CSMD1: variants seen among roughly 807,000 people sequenced by gnomAD.
CSMD1 encodes the protein CUB and Sushi multiple domains 1, also known as CUB and sushi domain-containing protein 1.
Under a neutral mutation model 417.5 loss-of-function variants are expected in CSMD1, and 213 were observed. The ratio of observed to expected loss-of-function variants is 0.51; its 90% confidence interval spans 0.46 to 0.57. The LOEUF is 0.57. Ranked by LOEUF, CSMD1 falls within the 20% of genes least tolerant of loss-of-function variation. The pLI, the probability that CSMD1 is intolerant of heterozygous loss-of-function variation, is 0.00. For synonymous variants in CSMD1, 2,862 were observed against 1,736.8 expected (o/e 1.65, Z -16.11); for missense variants, 6,923 against 4,529.7 (o/e 1.53, Z -15.17).
intron 3 of CSMD1, among the ~76,000 whole-genome samples, chr8:4,075,626 A>G (rs765571176): frequency 7.9e-5 from 12 of 152,326 alleles, no homozygotes; most frequent in Admixed American, 2.0e-4. Context: ...TTATTGTAGT[A>G]TAACTCACAC....
intron 7 of CSMD1, among the ~76,000 whole-genome samples, chr8:3,645,051 C>T (rs932570821): frequency 4.6e-5 from 7 of 151,102 alleles, no homozygotes; most frequent in Non-Finnish European, 8.8e-5. Context: ...TCATCTGCCT[C>T]ATGAAGATCC....
intron 12 of CSMD1, among the ~76,000 whole-genome samples, chr8:3,431,289 A>T (rs1478206141): frequency 6.6e-6 from 1 of 152,132 alleles, no homozygotes; most frequent in East Asian, 1.9e-4. Context: ...CTGGGCCATC[A>T]CTAATCTTGT....
chr8:3,796,618 A>G, intron 5 of CSMD1, among the ~76,000 whole-genome samples: 1 of 148,416 alleles, frequency 6.7e-6, no homozygotes, highest in Non-Finnish European at 1.5e-5. Flanking sequence ...ATAGATGTAT[A>G]GATATATATC....
chr8:3,045,188 T>G (rs990150853), intron 50 of CSMD1, among the ~76,000 whole-genome samples: 1 of 152,248 alleles, frequency 6.6e-6, no homozygotes, highest in African/African-American at 2.4e-5. Flanking sequence ...CATTTTATTA[T>G]AAACGTTACA....
chr8:4,799,282 T>C (rs144804700), intron 1 of CSMD1, among the ~76,000 whole-genome samples: 124 of 152,246 alleles, frequency 8.1e-4, no homozygotes, highest in African/African-American at 2.9e-3. Context: ...GAATGATCAA[T>C]TGGTAAAGAA....
chr8:4,166,794 G>A (rs972319051), intron 3 of CSMD1, among the ~76,000 whole-genome samples: 1 of 152,140 alleles, frequency 6.6e-6, no homozygotes, highest in African/African-American at 2.4e-5. Context: ...AAAATGATCA[G>A]GGTGTGTTTA....
chr8:3,524,442 C>A (rs572376841), intron 10 of CSMD1, among the ~76,000 whole-genome samples: 1 of 151,638 alleles, frequency 6.6e-6, no homozygotes, highest in Non-Finnish European at 1.5e-5. Flanking sequence ...TGCATCTGCA[C>A]GCACACATGC....
intron 3 of CSMD1, among the ~76,000 whole-genome samples, chr8:4,253,202 C>A (rs763884233): frequency 6.6e-6 from 1 of 152,110 alleles, no homozygotes; most frequent in African/African-American, 2.4e-5. Context: ...TCTACGATCC[C>A]GCCCCATTCC....
intron 2 of CSMD1, among the ~76,000 whole-genome samples, chr8:4,565,619 C>G (rs1385025766): frequency 6.6e-6 from 1 of 151,586 alleles, no homozygotes; most frequent in Admixed American, 6.6e-5. Flanking sequence ...CCTGTAGTCC[C>G]AGCTACTCAG....
intron 1 of CSMD1, among the ~76,000 whole-genome samples, chr8:4,643,262 AG>A (rs1226164843): frequency 6.6e-6 from 1 of 151,868 alleles, no homozygotes; most frequent in African/African-American, 2.4e-5. Context: ...TATTACACTC[AG>A]GGGCAGTGTC....
intron 1 of CSMD1, among the ~76,000 whole-genome samples, chr8:4,809,538 G>C (rs907200625): frequency 2.0e-5 from 3 of 152,144 alleles, no homozygotes; most frequent in Non-Finnish European, 4.4e-5. Context: ...TCAGTAAAGA[G>C]GCCTTAGGTT....
chr8:3,634,347 T>C (rs759357411), intron 7 of CSMD1, among the ~76,000 whole-genome samples: 5 of 152,312 alleles, frequency 3.3e-5, no homozygotes, highest in South Asian at 2.1e-4. Context: ...TGTGACACTC[T>C]GTGACAAACT....
intron 2 of CSMD1, among the ~76,000 whole-genome samples, chr8:4,537,571 C>G (rs1797161519): frequency 6.6e-6 from 1 of 152,150 alleles, no homozygotes; most frequent in South Asian, 2.1e-4. Context: ...TGAAAACTTG[C>G]TGAACATTTC....
intron 26 of CSMD1, among the ~76,000 whole-genome samples, chr8:3,232,961 G>A (rs372649823): frequency 6.6e-6 from 1 of 151,648 alleles, no homozygotes; most frequent in East Asian, 1.9e-4. Flanking sequence ...TCTTAAATTA[G>A]ACATTGTCAT....
intron 23 of CSMD1, among the ~76,000 whole-genome samples, chr8:3,312,361 AGACCTTGACAGCATCAT>A (rs1805416621): frequency 6.6e-6 from 1 of 152,182 alleles, no homozygotes; most frequent in Non-Finnish European, 1.5e-5. Context: ...AGATCACTTA[AGACCTTGACAGCATCAT>A]TAAATTTATT....
At chr8:4,932,752 T>C (rs1258008781) in intron 1 of CSMD1, among the ~76,000 whole-genome samples, 1 of 152,190 alleles carries the variant, frequency 6.6e-6, no homozygotes. Context: ...CTTAAAATAA[T>C]CCAAGCTTAC....
intron 1 of CSMD1, among the ~76,000 whole-genome samples, chr8:4,945,487 G>A (rs757944805): frequency 2.8e-5 from 4 of 144,150 alleles, no homozygotes; most frequent in Non-Finnish European, 4.5e-5. Flanking sequence ...TTGAGCCCAA[G>A]AGTTTTAAAA....
intron 2 of CSMD1, among the ~76,000 whole-genome samples, chr8:4,432,753 T>C (rs7007659): frequency 0.098 from 14,840 of 152,152 alleles, 741 homozygotes; most frequent in South Asian, 0.14. Flanking sequence ...ACCAGGGCCA[T>C]AGAGGAAATA....
At position 2,937,103 on chromosome 8, in the gene CSMD1, T is replaced by A. The variant is rs923757540; in HGVS notation, c.*1482A>T. ...CTTTGAATTTGTTACATAAACTACC[T>A]CACGGCCACATCTTCTACTTCATGT... is the stretch of plus-strand genomic sequence containing the variant. On this transcript the variant is annotated 3_prime_UTR_variant, in exon 70 of 70. Coordinates refer to ENST00000635120, the MANE Select transcript of CSMD1 (RefSeq NM_033225.6). The A allele has an allele frequency of 1.1e-4, 17 of 152,310 alleles. No homozygotes were observed. The highest frequency in any genetic ancestry group is 3.6e-4 in the African/African-American group (15 of 41,580). The allele number at this position is 152,310 out of a possible 1,614,324, so 9.4% of individuals were successfully genotyped here.
Sources: allele counts gnomAD v4.1 joint callset (sites outside exome capture counted in the v4.1 genomes callset), GRCh38; gene constraint gnomAD v4.1.1; transcripts MANE v1.5; gene names NCBI Gene and HGNC (gene_info 2026-07-23, HGNC 2026-07-21).